Variants in CELF2 observed in about 807,000 individuals in gnomAD.
CELF2 encodes the protein CUGBP Elav-like family member 2, also known as CUG triplet repeat RNA-binding protein 2.
Under a neutral mutation model 62.6 loss-of-function variants are expected in CELF2, and 8 were observed. The ratio of observed to expected loss-of-function variants is 0.13; its 90% CI spans 0.07 to 0.23. The LOEUF (loss-of-function observed/expected upper bound fraction) is 0.23. Among genes scored for constraint, CELF2 ranks in the 10% least tolerant of loss-of-function variants. CELF2 has a pLI of 1.00. For synonymous variants in CELF2, 258 were observed against 250.0 expected, an observed-to-expected ratio of 1.03 and a Z score of -0.30; for missense variants, 333 against 671.0, an observed-to-expected ratio of 0.50 and a Z score of 5.56.
chr10:10,771,910 C>A, the CELF2 span, among the ~76,000 whole-genome samples: 1 of 152,210 alleles, frequency 6.6e-6, no homozygotes, highest in African/African-American at 2.4e-5. Flanking sequence ...CAGTCACTTA[C>A]AACTGAAAAA....
the CELF2 span, among the ~76,000 whole-genome samples, chr10:10,701,764 C>T: frequency 6.6e-6 from 1 of 152,186 alleles, no homozygotes; most frequent in Non-Finnish European, 1.5e-5. Context: ...TAGGGAGAAC[C>T]ACGTCCCATT....
the CELF2 span, among the ~76,000 whole-genome samples, chr10:10,472,033 TC>T: frequency 6.6e-6 from 1 of 150,438 alleles, no homozygotes; most frequent in African/African-American, 2.5e-5. Context: ...GATTTTTTTT[TC>T]TTTGGCTTTC....
upstream of CELF2, among the ~76,000 whole-genome samples, chr10:11,013,626 T>A (rs1547221): frequency 6.6e-6 from 1 of 152,124 alleles, no homozygotes; most frequent in African/African-American, 2.4e-5. This position sits in a 1 kb window ranked among gnomAD's most constrained non-coding sequence, Gnocchi z 4.1. Context: ...TCTCAAGCAA[T>A]GGTGACTACT....
At chr10:10,813,845 G>A (rs565914103) in intron 1 of CELF2, among the ~76,000 whole-genome samples, 2 of 152,294 alleles carry the variant, frequency 1.3e-5, no homozygotes, top group Admixed American at 6.5e-5. Context: ...TGAGATCCAC[G>A]ATAACTTGGA....
In CELF2 at chr10:11,246,583, T is replaced by C. The variant is rs1002073284; in HGVS notation, c.355-2570T>C. ...ATTGCCAGATCCAAATTCTTTGGCC[T>C]CTCACAGTGTTTGCTGTGGCCTGAT... On this transcript the variant is annotated intron_variant, in intron 3 of 12. Coordinates refer to ENST00000633077, the MANE Select transcript of CELF2 (RefSeq NM_001326342.2). The surrounding 1 kb of genome is among the most constrained non-coding windows in gnomAD (Gnocchi z 4.6). Among the ~76,000 whole-genome samples the C allele has an allele frequency of 2.0e-5, 3 of 152,208 alleles. No individual in the cohort carries two copies.
chr10:10,719,145 A>G, the CELF2 span, among the ~76,000 whole-genome samples: 1 of 151,890 alleles, frequency 6.6e-6, no homozygotes, highest in Non-Finnish European at 1.5e-5. Context: ...TTTTTAGTAG[A>G]GATGGGATTT....
At chr10:10,916,276 C>T (rs1288287822) in intron 1 of CELF2, among the ~76,000 whole-genome samples, 4 of 152,218 alleles carry the variant, frequency 2.6e-5, no homozygotes, top group East Asian at 1.9e-4. Flanking sequence ...CTCCTAGCTA[C>T]ATTACTGCAG....
At chr10:10,636,010 A>G in the CELF2 span, among the ~76,000 whole-genome samples, 2 of 152,236 alleles carry the variant, frequency 1.3e-5, no homozygotes, top group African/African-American at 2.4e-5. Flanking sequence ...TGTGATAAAT[A>G]TCATGAAGAA....
the CELF2 span, among the ~76,000 whole-genome samples, chr10:10,718,985 CTTTTTTT>C: frequency 0.048 from 6,036 of 125,204 alleles, 390 homozygotes; most frequent in East Asian, 0.38. Flanking sequence ...TTATTATTCT[CTTTTTTT>C]TTTTTTTTTT....
At chr10:10,595,388 A>G in the CELF2 span, among the ~76,000 whole-genome samples, 1 of 152,286 alleles carries the variant, frequency 6.6e-6, no homozygotes, top group Non-Finnish European at 1.5e-5. Flanking sequence ...AGTACACACA[A>G]TGTAACCATG....
the CELF2 span, among the ~76,000 whole-genome samples, chr10:10,633,346 A>C: frequency 1.3e-5 from 2 of 152,184 alleles, no homozygotes; most frequent in African/African-American, 4.8e-5. Flanking sequence ...AACACTGCTT[A>C]CAGGCTATGG....
At chr10:10,992,596 T>C (rs1006752075) in intron 2 of CELF2, among the ~76,000 whole-genome samples, 1 of 152,150 alleles carries the variant, frequency 6.6e-6, no homozygotes, top group East Asian at 1.9e-4. Context: ...AAGAGAAGTA[T>C]ATTCAAGGTT....
At chr10:11,219,015 G>C (rs1483027207) in intron 3 of CELF2, among the ~76,000 whole-genome samples, 1 of 152,144 alleles carries the variant, frequency 6.6e-6, no homozygotes, top group African/African-American at 2.4e-5. Context: ...AAAAACAAAT[G>C]CTTTCTAGTA....
intron 1 of CELF2, among the ~76,000 whole-genome samples, chr10:11,060,852 G>T (rs1417590345): frequency 6.6e-6 from 1 of 152,148 alleles, no homozygotes; most frequent in African/African-American, 2.4e-5. Context: ...TTGTTTCAGG[G>T]TGTCAGGAAC....
chr10:11,168,328 C>T (rs76836867), intron 2 of CELF2, among the ~76,000 whole-genome samples: 2,082 of 152,190 alleles, frequency 0.014, 49 homozygotes, highest in African/African-American at 0.048. Flanking sequence ...CTTGAAAGAG[C>T]TTTTGTTATA....
At chr10:11,307,307 T>C (rs751725675) in intron 9 of CELF2, among the ~76,000 whole-genome samples, 44 of 152,254 alleles carry the variant, frequency 2.9e-4, no homozygotes, top group Non-Finnish European at 4.4e-4. Flanking sequence ...GTGGACATCA[T>C]AGGAAGAGAA....
chr10:11,130,424 G>C (rs1008037419), intron 1 of CELF2, among the ~76,000 whole-genome samples: 6 of 152,188 alleles, frequency 3.9e-5, no homozygotes, highest in African/African-American at 1.4e-4. Context: ...TTGCACCCCA[G>C]GATGGAAGTT....
chr10:10,506,269 CGTGTGTGT>C, the CELF2 span, among the ~76,000 whole-genome samples: 883 of 146,812 alleles, frequency 6.0e-3, 14 homozygotes, highest in East Asian at 0.052. Context: ...AGATGCACTT[CGTGTGTGT>C]GTGTGTGTGT....
chr10:10,478,477 T>G, the CELF2 span, among the ~76,000 whole-genome samples: 2 of 134,534 alleles, frequency 1.5e-5, no homozygotes, highest in Non-Finnish European at 3.2e-5. Context: ...ACAGCATTAT[T>G]ACATTTAATT....
Sources: gnomAD v4.1 joint callset for allele counts (sites outside exome capture counted in the v4.1 genomes callset) on GRCh38, gnomAD v4.1.1 for gene constraint, Gnocchi (gnomAD v3.1) non-coding constraint, MANE v1.5 for transcripts, NCBI Gene and HGNC (gene_info 2026-07-23, HGNC 2026-07-21) for gene names.